PRDM6: variants seen among roughly 807,000 people sequenced by gnomAD.
PRDM6 encodes the protein PR/SET domain 6, also known as putative histone-lysine N-methyltransferase PRDM6.
In PRDM6, 25 loss-of-function variants were observed where a neutral mutation model predicts 60.8. That is an observed-to-expected ratio of 0.41 (90% CI 0.30 to 0.57). The LOEUF (loss-of-function observed/expected upper bound fraction) is 0.57. Ranked by LOEUF, PRDM6 falls within the 20% of genes least tolerant of loss-of-function variation. PRDM6 has a pLI of 0.27. For synonymous variants in PRDM6, 407 were observed against 357.4 expected (o/e 1.14, Z -1.57); for missense variants, 839 against 821.3 (o/e 1.02, Z -0.26).
Position 123,190,073 on chromosome 5 carries a change from T to C in PRDM6, c.*2872T>C, listed in dbSNP as rs935017452. 2 of 152,220 alleles carry C rather than the reference T, an allele frequency of 1.3e-5. No homozygotes were observed. The highest frequency in any genetic ancestry group is 4.8e-5 in the African/African-American group (2 of 41,448). The allele number at this position is 152,220 out of a possible 1,614,324, so 9.4% of individuals were successfully genotyped here. On this transcript the variant is annotated 3_prime_UTR_variant, in exon 8 of 8. Transcript: ENST00000407847. ...GTAGTGCTATAAAGAGAGTAAATGC[T>C]CTGAATCACTGGGGAAAGGATATTT...
chr5:123,093,091 ATTAAT>A (rs1380072699), intron 2 of PRDM6, among the ~76,000 whole-genome samples: 2 of 152,182 alleles, frequency 1.3e-5, no homozygotes, highest in Non-Finnish European at 2.9e-5. Context: ...GGAAGCTCCT[ATTAAT>A]TTATCATGTA....
intron 3 of PRDM6, among the ~76,000 whole-genome samples, chr5:123,138,034 C>CT (rs1554088095): frequency 6.6e-6 from 1 of 151,870 alleles, no homozygotes; most frequent in Non-Finnish European, 1.5e-5. Context: ...TTCACCCCCG[C>CT]ACCTTTCAAA....
chr5:123,171,499 C>T (rs1046019000), intron 6 of PRDM6, among the ~76,000 whole-genome samples: 3 of 152,060 alleles, frequency 2.0e-5, no homozygotes, highest in Non-Finnish European at 4.4e-5. Flanking sequence ...TCCAGTGTGC[C>T]GTGGGTATGA....
chr5:123,137,594 A>G lies in PRDM6; in HGVS notation c.901-18290A>G, dbSNP rs551284848. ...CGTAAGTGGGAGTTGAACAATGAGA[A>G]CACATGGACACAGGGAGGGGAACAT... On this transcript the variant is annotated intron_variant, in intron 3 of 7. Coordinates refer to ENST00000407847, the MANE Select transcript of PRDM6 (RefSeq NM_001136239.4). Among the ~76,000 whole-genome samples the G allele has an allele frequency of 3.4e-4, 52 of 152,258 alleles. No homozygotes were observed. The South Asian group carries it at 0.011, about 31-fold the overall frequency.
chr5:123,093,491 C>G (rs1333113060), intron 2 of PRDM6, among the ~76,000 whole-genome samples: 1 of 152,156 alleles, frequency 6.6e-6, no homozygotes, highest in African/African-American at 2.4e-5. Context: ...CCCGGGTGAG[C>G]TTTTCCAGTA....
rs147025859 is a variant in PRDM6 at position 123,170,843 on chromosome 5, G to A, written c.1231G>A (p.Ala411Thr). 16 of 1,552,118 alleles carry A rather than the reference G, an allele frequency of 1.0e-5. No individual in the cohort carries two copies. The highest frequency in any genetic ancestry group is 5.5e-5 in the African/African-American group (4 of 73,110). Residue 411 changes from alanine (A) to threonine (T), a missense_variant, in exon 6 of 8, where the codon GCC (alanine) becomes ACC (threonine). Ala to Thr is a moderately conservative substitution (Grantham distance 58). This residue lies in a region of PRDM6 where 730 missense variants were observed against 648.8 expected (regional missense o/e 1.13). Coordinates refer to ENST00000407847, the MANE Select transcript of PRDM6 (RefSeq NM_001136239.4). ...LQPFNKSSKL[A>T]PTTQQRSVVF... ...GCCCTTCAACAAAAGCAGCAAACTC[G>A]CCCCTACCACCCAGCAGCGCTCCGT...
intron 7 of PRDM6, among the ~76,000 whole-genome samples, chr5:123,184,497 C>T (rs182600430): frequency 8.5e-5 from 13 of 152,266 alleles, no homozygotes; most frequent in Middle Eastern, 3.4e-3. Flanking sequence ...AGTGCAAGGG[C>T]GCTTTTCCCT....
chr5:123,154,182 CAG>C (rs956260583), intron 3 of PRDM6, among the ~76,000 whole-genome samples: 1 of 152,136 alleles, frequency 6.6e-6, no homozygotes, highest in African/African-American at 2.4e-5. Flanking sequence ...ACAACAAAAA[CAG>C]AAACAACTAC....
At position 123,155,974 on chromosome 5, in the gene PRDM6, C is replaced by T; in HGVS notation, c.991C>T (p.His331Tyr). 1 of 1,551,730 alleles carries T rather than the reference C, an allele frequency of 6.4e-7. No homozygotes were observed. The highest frequency in any genetic ancestry group is 1.4e-5 in the African/African-American group (1 of 73,142). ...GATGAGGTATATCCGATGTGCAAGG[C>T]ACTGCGGAGAACAGAATCTAACAGT... Reference protein sequence around the residue: ...SWMRYIRCARHCGEQNLTVVQ... With the variant: ...SWMRYIRCARYCGEQNLTVVQ... Residue 331 changes from histidine (H) to tyrosine (Y), a missense_variant, in exon 4 of 8, where the codon CAC becomes TAC. Transcript: ENST00000407847.
At chr5:123,187,031 C>T in intron 7 of PRDM6, 56 bp from the exon 8 acceptor site, 2 of 1,281,666 alleles carry the variant, frequency 1.6e-6, no homozygotes, top group Non-Finnish European at 2.2e-6. Context: ...GAGAGGAAGC[C>T]CATCACCCTG....
At chr5:123,106,535 G>C (rs1396081031) in intron 3 of PRDM6, among the ~76,000 whole-genome samples, 2 of 152,204 alleles carry the variant, frequency 1.3e-5, no homozygotes, top group African/African-American at 4.8e-5. Context: ...TCAATGACAG[G>C]TAATTTGTTC....
In PRDM6 at chr5:123,110,628, C is replaced by A. The variant is rs556056039; in HGVS notation, c.900+10667C>A. Among the ~76,000 whole-genome samples the A allele has an allele frequency of 3.5e-5, 5 of 142,974 alleles. No individual in the cohort carries two copies. In the South Asian group the frequency reaches 1.1e-3, roughly 32 times the overall value. 93.8% of individuals were successfully genotyped at this position (142,974 alleles called of 152,430 possible). A position where few individuals can be genotyped will look rare whatever the true frequency, so the allele number is the denominator to read the frequency against. On this transcript the variant is annotated intron_variant, in intron 3 of 7. Coordinates refer to ENST00000407847, the MANE Select transcript of PRDM6 (RefSeq NM_001136239.4). ...TGTTGCCCAGGCTGGAGTGTAATGGCACAGTCTTGGCTCACCGCAACCTCC... is the reference window on the plus strand; with the variant it reads ...TGTTGCCCAGGCTGGAGTGTAATGGAACAGTCTTGGCTCACCGCAACCTCC...
intron 2 of PRDM6, among the ~76,000 whole-genome samples, chr5:123,093,757 T>G (rs1003458810): frequency 6.6e-6 from 1 of 152,202 alleles, no homozygotes; most frequent in Admixed American, 6.5e-5. Context: ...GCTGGTGCGT[T>G]GCCTGCTCTT....
chr5:123,136,301 C>T (rs1439604308), intron 3 of PRDM6, among the ~76,000 whole-genome samples: 1 of 152,102 alleles, frequency 6.6e-6, no homozygotes, highest in Non-Finnish European at 1.5e-5. Context: ...TGGTGACCCA[C>T]CACTTCTATT....
intron 6 of PRDM6, among the ~76,000 whole-genome samples, chr5:123,172,227 A>G (rs1048399911): frequency 8.6e-5 from 13 of 152,026 alleles, no homozygotes; most frequent in Non-Finnish European, 1.0e-4. Flanking sequence ...TGGCGGGGAG[A>G]GGGAGTGGAT....
At chr5:123,176,735 A>G (rs1258397613) in intron 6 of PRDM6, among the ~76,000 whole-genome samples, 1 of 152,100 alleles carries the variant, frequency 6.6e-6, no homozygotes, top group Non-Finnish European at 1.5e-5. Flanking sequence ...AAATTAAAGA[A>G]GATTTCCATT....
intron 3 of PRDM6, among the ~76,000 whole-genome samples, chr5:123,142,088 G>T (rs1340203134): frequency 2.0e-5 from 3 of 152,044 alleles, no homozygotes; most frequent in Non-Finnish European, 4.4e-5. Context: ...GATTAAATTT[G>T]CCTAGGTCTA....
At chr5:123,112,892 C>T (rs1282963041) in intron 3 of PRDM6, among the ~76,000 whole-genome samples, 3 of 141,898 alleles carry the variant, frequency 2.1e-5, no homozygotes, top group Admixed American at 7.6e-5. Context: ...TATAGCCTGA[C>T]AATTTAAAAT....
Position 123,090,450 on chromosome 5 carries a change from G to A in PRDM6, c.436G>A (p.Gly146Arg), listed in dbSNP as rs1166185207. The change falls in exon 2 of 8, where the codon GGG becomes AGG. Residue 146 changes from glycine to arginine, a missense_variant. Physicochemically the swap from Gly to Arg is moderately radical, Grantham distance 125. Transcript: ENST00000407847. ...GTGCCTCGGCGCCACCTCCGGCCCC[G>A]GGCCCGTCAAGTGCGGTGGTGGTGG... ...ELCLGATSGP[G>R]PVKCGGGGGG... 1.4e-6 allele frequency: 2 copies of A among 1,463,650 alleles called. No individual in the cohort carries two copies. The highest frequency in any genetic ancestry group is 1.8e-6 in the Non-Finnish European group (2 of 1,116,930). The allele number at this position is 1,463,650 out of a possible 1,614,324, so 90.7% of individuals were successfully genotyped here.
Sources: gnomAD v4.1 joint callset for allele counts (sites outside exome capture counted in the v4.1 genomes callset) on GRCh38, gnomAD v4.1.1 for gene constraint, gnomAD v4.1.1 regional missense constraint, MANE v1.5 for transcripts, NCBI Gene and HGNC (gene_info 2026-07-23, HGNC 2026-07-21) for gene names.